RASGRF1: variants seen among roughly 807,000 people sequenced by gnomAD.
RASGRF1 encodes the protein ras-specific guanine nucleotide-releasing factor 1.
RASGRF1 carries 40 observed loss-of-function variants against 138.7 expected under a neutral mutation model. The ratio of observed to expected loss-of-function variants is 0.29; its 90% confidence interval spans 0.22 to 0.38. The LOEUF (loss-of-function observed/expected upper bound fraction) is 0.38. Ranked by LOEUF, RASGRF1 falls within the 10% of genes least tolerant of loss-of-function variation. The pLI is 1.00. For synonymous variants in RASGRF1, 614 were observed against 663.2 expected (o/e 0.93, Z 1.14); for missense variants, 1,108 against 1,650.4 (o/e 0.67, Z 5.69).
At position 79,090,657 on chromosome 15, in the gene RASGRF1, G is replaced by C. The variant is rs994658309; in HGVS notation, c.-159C>G. On this transcript the variant is annotated 5_prime_UTR_variant, in exon 1 of 27. Coordinates refer to ENST00000558480, the MANE Select transcript of RASGRF1 (RefSeq NM_001145648.3). ...TATCTACACTCCAGGATCTGGCGCC[G>C]AGCCGCGGCTTCTTGAATCCAGATA... 1 of 1,024,394 alleles carries C rather than the reference G, an allele frequency of 9.8e-7. No individual in the cohort carries two copies. The highest frequency in any genetic ancestry group is 1.4e-6 in the Non-Finnish European group (1 of 717,862). The allele number at this position is 1,024,394 out of a possible 1,614,324, so 63.5% of individuals were successfully genotyped here. A position where few individuals can be genotyped will look rare whatever the true frequency, so the allele number is the denominator to read the frequency against.
At chr15:79,035,602 A>G (rs561654306) in intron 5 of RASGRF1, among the ~76,000 whole-genome samples, 1 of 152,338 alleles carries the variant, frequency 6.6e-6, no homozygotes, top group South Asian at 2.1e-4. Context: ...GGAGGAAACC[A>G]GGGCTCTGGC....
At chr15:79,008,278 A>C (rs2056725083) in intron 13 of RASGRF1, among the ~76,000 whole-genome samples, 1 of 152,240 alleles carries the variant, frequency 6.6e-6, no homozygotes, top group Non-Finnish European at 1.5e-5. Context: ...ATTTGAAATA[A>C]ATAAACTTTA....
intron 1 of RASGRF1, among the ~76,000 whole-genome samples, chr15:79,081,127 C>T (rs1478533615): frequency 6.6e-6 from 1 of 152,214 alleles, no homozygotes; most frequent in Non-Finnish European, 1.5e-5. Flanking sequence ...GAAGCTTTCA[C>T]GGGATGAGAA....
chr15:78,975,624 G>T (rs960336966), intron 24 of RASGRF1, among the ~76,000 whole-genome samples: 1 of 151,594 alleles, frequency 6.6e-6, no homozygotes, highest in Admixed American at 6.6e-5. Flanking sequence ...TGGTCCTCCT[G>T]CCTCAGCCTC....
At chr15:78,984,024 G>A (rs2056094183) in intron 23 of RASGRF1, among the ~76,000 whole-genome samples, 1 of 152,170 alleles carries the variant, frequency 6.6e-6, no homozygotes, top group South Asian at 2.1e-4. Context: ...AAGTAGGGAG[G>A]ATTATGGACA....
intron 1 of RASGRF1, among the ~76,000 whole-genome samples, chr15:79,072,339 G>A (rs2057772098): frequency 7.7e-6 from 1 of 130,126 alleles, no homozygotes; most frequent in Non-Finnish European, 1.6e-5. Context: ...GCAGTGGCAT[G>A]ATCTTAGCTC....
intron 15 of RASGRF1, 73 bp from the exon 16 acceptor site, chr15:79,001,860 T>C (rs771526851): frequency 1.8e-4 from 196 of 1,095,488 alleles, no homozygotes; most frequent in Middle Eastern, 6.6e-4. Context: ...GATTTTAAAA[T>C]TTATGTCTAT....
intron 14 of RASGRF1, chr15:79,005,070 G>T (rs993702289): frequency 1.3e-5 from 13 of 985,278 alleles, no homozygotes; most frequent in Middle Eastern, 5.2e-4. Context: ...TGACTTTTAG[G>T]GGGTAAATCC....
intron 10 of RASGRF1, among the ~76,000 whole-genome samples, chr15:79,022,983 G>A (rs2140984459): frequency 1.3e-5 from 2 of 152,248 alleles, no homozygotes; most frequent in South Asian, 4.2e-4. Context: ...GACCATCCTG[G>A]CTAACACGGT....
At chr15:79,019,953 G>T in intron 11 of RASGRF1, 88 bp downstream of exon 11, 4 of 1,520,720 alleles carry the variant, frequency 2.6e-6, no homozygotes, top group South Asian at 1.2e-5. Flanking sequence ...TCCTCCCAAA[G>T]AAACTAATGC....
Position 79,028,535 on chromosome 15 carries a change from C to G in RASGRF1, c.1263-676G>C, listed in dbSNP as rs371490034. Among the ~76,000 whole-genome samples the G allele has an allele frequency of 2.1e-3, 325 of 152,204 alleles. 4 individuals carry two copies. The highest frequency in any genetic ancestry group is 7.3e-3 in the African/African-American group (305 of 41,528). ...CTCTCCGACTGCTGTAATACCCCTCCTCTCCAAGAGATGGCGCCATCCAAT... is the reference window on the plus strand; with the variant it reads ...CTCTCCGACTGCTGTAATACCCCTCGTCTCCAAGAGATGGCGCCATCCAAT... On this transcript the variant is annotated intron_variant, in intron 8 of 26. Coordinates refer to ENST00000558480, the MANE Select transcript of RASGRF1 (RefSeq NM_001145648.3).
intron 4 of RASGRF1, among the ~76,000 whole-genome samples, chr15:79,047,808 G>A (rs1401971264): frequency 6.6e-6 from 1 of 152,132 alleles, no homozygotes; most frequent in Non-Finnish European, 1.5e-5. Flanking sequence ...GCAAGCTCAC[G>A]GTCCACACTG....
rs774438181 is a variant in RASGRF1, at chr15:79,006,310, G to A, written c.1951C>T (p.Arg651Cys). 1.4e-5 allele frequency: 23 copies of A among 1,614,084 alleles called. No individual in the cohort carries two copies. The highest frequency in any genetic ancestry group is 2.7e-5 in the African/African-American group (2 of 74,930). Residue 651 changes from arginine (R) to cysteine (C), a missense_variant, in exon 14 of 27, where the codon CGC (arginine) becomes TGC (cysteine). Around this residue, in one of 3 missense-constraint regions of RASGRF1, gnomAD observed 686 missense variants for 976.7 expected, o/e 0.70. Coordinates refer to ENST00000558480, the MANE Select transcript of RASGRF1 (RefSeq NM_001145648.3). The surrounding 1 kb of genome is among the most constrained non-coding windows in gnomAD (Gnocchi z 4.0). ...TTGAGGAAGTCGATGCTCAGGAAGCGCAGGTCCGTCAGCCTCTCCAGCAGC... is the reference window on the plus strand; with the variant it reads ...TTGAGGAAGTCGATGCTCAGGAAGCACAGGTCCGTCAGCCTCTCCAGCAGC... ...ERLLERLTDL[R>C]FLSIDFLNTF...
intron 1 of RASGRF1, among the ~76,000 whole-genome samples, chr15:79,082,216 C>T (rs1441860598): frequency 6.6e-6 from 1 of 152,248 alleles, no homozygotes; most frequent in Non-Finnish European, 1.5e-5. Context: ...TCCTCTCAGC[C>T]TTTCTGGCGC....
At chr15:79,069,967 A>G (rs953667669) in intron 1 of RASGRF1, among the ~76,000 whole-genome samples, 9 of 152,218 alleles carry the variant, frequency 5.9e-5, no homozygotes, top group Admixed American at 1.3e-4. Context: ...ATTCACCCAA[A>G]TGGAAGTTTC....
intron 14 of RASGRF1, chr15:79,005,745 C>T (rs12913944): frequency 2.7e-4 from 71 of 261,418 alleles, no homozygotes; most frequent in Non-Finnish European, 3.2e-4. Flanking sequence ...CTCCCTCCCT[C>T]CCTTCCTTCC....
chr15:79,025,269 GACCCT>G, intron 10 of RASGRF1, 40 bp downstream of exon 10: 3 of 1,537,560 alleles, frequency 2.0e-6, no homozygotes, highest in Non-Finnish European at 2.6e-6. Flanking sequence ...GCGCCTGCAT[GACCCT>G]AGCTGGGCAG....
intron 20 of RASGRF1, among the ~76,000 whole-genome samples, chr15:78,995,445 C>T (rs1025901169): frequency 2.6e-5 from 4 of 151,944 alleles, no homozygotes; most frequent in African/African-American, 4.8e-5. Context: ...CCTGCCACCA[C>T]GCCTAGCTAA....
chr15:79,025,275 A>C, intron 10 of RASGRF1, 39 bp downstream of exon 10: 2 of 1,548,856 alleles, frequency 1.3e-6, no homozygotes, highest in Non-Finnish European at 8.7e-7. Context: ...GCATGACCCT[A>C]GCTGGGCAGC....
Sources: allele counts gnomAD v4.1 joint callset (sites outside exome capture counted in the v4.1 genomes callset), GRCh38; gene constraint gnomAD v4.1.1; regional missense constraint gnomAD v4.1.1; non-coding constraint Gnocchi (gnomAD v3.1); transcripts MANE v1.5; gene names NCBI Gene and HGNC (gene_info 2026-07-23, HGNC 2026-07-21).